XYLT1: variants seen among roughly 807,000 people sequenced by gnomAD.
XYLT1 encodes beta-D-xylosyltransferase 1.
A neutral mutation model predicts 91.3 loss-of-function variants in XYLT1; 36 were observed. That is an observed-to-expected ratio of 0.39 (90% CI 0.30 to 0.52). The LOEUF (loss-of-function observed/expected upper bound fraction) is 0.52, where lower values mean the gene tolerates loss of function less well. Ranked by LOEUF, XYLT1 falls within the 20% of genes least tolerant of loss-of-function variation. The probability of loss-of-function intolerance (pLI) is 0.68; values close to 1 mark genes in which losing one functional copy is unlikely to be tolerated. For synonymous variants in XYLT1, 588 were observed against 532.0 expected (o/e 1.11, Z -1.45); for missense variants, 1,242 against 1,284.5 (o/e 0.97, Z 0.51).
chr16:17,268,973 G>A (rs1292501134), intron 2 of XYLT1, among the ~76,000 whole-genome samples: 1 of 151,948 alleles, frequency 6.6e-6, no homozygotes, highest in Non-Finnish European at 1.5e-5. Context: ...GCGCCCAGCC[G>A]ATAAATACTT....
intron 2 of XYLT1, among the ~76,000 whole-genome samples, chr16:17,308,288 T>C (rs1431481195): frequency 6.6e-6 from 1 of 152,224 alleles, no homozygotes; most frequent in Non-Finnish European, 1.5e-5. Context: ...AGTTAGCAGC[T>C]CTTAGGGAAC....
chr16:17,403,812 T>C (rs886222740), intron 1 of XYLT1, among the ~76,000 whole-genome samples: 20 of 152,210 alleles, frequency 1.3e-4, no homozygotes, highest in Admixed American at 6.5e-5. Flanking sequence ...CATCTGGGAA[T>C]ACCTCACCCT....
chr16:17,284,026 C>G (rs2034097261), intron 2 of XYLT1, among the ~76,000 whole-genome samples: 1 of 152,180 alleles, frequency 6.6e-6, no homozygotes, highest in African/African-American at 2.4e-5. Flanking sequence ...CAACATAGAG[C>G]AGAGGTTGAG....
chr16:17,213,705 G>A (rs113663283), intron 3 of XYLT1, among the ~76,000 whole-genome samples: 2,932 of 151,896 alleles, frequency 0.019, 53 homozygotes, highest in South Asian at 0.028. Context: ...TGCAACCTCC[G>A]CCTCCTGGGT....
At chr16:17,263,462 C>G (rs2033753844) in intron 2 of XYLT1, among the ~76,000 whole-genome samples, 1 of 152,046 alleles carries the variant, frequency 6.6e-6, no homozygotes, top group Admixed American at 6.6e-5. Flanking sequence ...CTGTGAACTT[C>G]TGCCTGGCCC....
intron 9 of XYLT1, among the ~76,000 whole-genome samples, chr16:17,131,653 C>A: frequency 6.6e-6 from 1 of 152,018 alleles, no homozygotes; most frequent in East Asian, 1.9e-4. Context: ...TCTCAACCTG[C>A]CATTTCAGAA....
intron 6 of XYLT1, among the ~76,000 whole-genome samples, chr16:17,143,266 G>T (rs994282607): frequency 1.3e-5 from 2 of 151,824 alleles, no homozygotes; most frequent in African/African-American, 2.4e-5. Context: ...CACTGTCACT[G>T]CCACCATCAT....
At chr16:17,181,152 G>A (rs1243575113) in intron 5 of XYLT1, among the ~76,000 whole-genome samples, 1 of 152,174 alleles carries the variant, frequency 6.6e-6, no homozygotes, top group Non-Finnish European at 1.5e-5. Context: ...CCTCATTGGG[G>A]TAGAGAAGGC....
At chr16:17,273,190 A>G (rs188046707) in intron 2 of XYLT1, among the ~76,000 whole-genome samples, 19 of 152,320 alleles carry the variant, frequency 1.2e-4, no homozygotes, top group Non-Finnish European at 5.9e-5. Flanking sequence ...ACATAGCTGA[A>G]TTTTCTAGGA....
intron 1 of XYLT1, among the ~76,000 whole-genome samples, chr16:17,372,078 A>G (rs2035541790): frequency 6.6e-6 from 1 of 152,212 alleles, no homozygotes. Flanking sequence ...GCTTCAGACA[A>G]GATTCCACTA....
At chr16:17,228,475 C>T (rs745685526) in intron 3 of XYLT1, among the ~76,000 whole-genome samples, 3 of 151,962 alleles carry the variant, frequency 2.0e-5, no homozygotes, top group Non-Finnish European at 2.9e-5. Context: ...GGGCACAGAA[C>T]GGTGATGGGG....
chr16:17,398,753 C>T (rs2035922305), intron 1 of XYLT1, among the ~76,000 whole-genome samples: 2 of 151,506 alleles, frequency 1.3e-5, no homozygotes, highest in Non-Finnish European at 2.9e-5. Context: ...ATACATCATG[C>T]CCCTCTCTGC....
At chr16:17,464,960 C>T (rs1415547161) in intron 1 of XYLT1, among the ~76,000 whole-genome samples, 1 of 151,704 alleles carries the variant, frequency 6.6e-6, no homozygotes, top group Non-Finnish European at 1.5e-5. Flanking sequence ...GCCTGGCCAA[C>T]ATGGTGAAAC....
At chr16:17,213,635 T>C (rs1369937258) in intron 3 of XYLT1, among the ~76,000 whole-genome samples, 3 of 152,134 alleles carry the variant, frequency 2.0e-5, no homozygotes, top group Non-Finnish European at 4.4e-5. Context: ...TCTTTTTTTT[T>C]TGAGACTGAG....
intron 2 of XYLT1, among the ~76,000 whole-genome samples, chr16:17,308,565 A>C (rs893497176): frequency 6.6e-6 from 1 of 152,142 alleles, no homozygotes; most frequent in African/African-American, 2.4e-5. Context: ...CAAAGACGGA[A>C]ACTGTATTTG....
At chr16:17,232,712 T>TG (rs1567334192) in intron 3 of XYLT1, among the ~76,000 whole-genome samples, 1 of 151,500 alleles carries the variant, frequency 6.6e-6, no homozygotes, top group South Asian at 2.1e-4. Context: ...GTGATTCTGA[T>TG]GGGGGCGGCA....
intron 2 of XYLT1, among the ~76,000 whole-genome samples, chr16:17,308,492 G>C (rs149152245): frequency 3.9e-5 from 6 of 152,212 alleles, no homozygotes; most frequent in Admixed American, 3.3e-4. Flanking sequence ...GTAAGGTGAA[G>C]ATACAGCTCT....
rs1349984004 is a variant in XYLT1 at position 17,470,826 on chromosome 16, G to A, written c.-30C>T. 10 of 866,346 alleles carry A rather than the reference G, an allele frequency of 1.2e-5. No individual in the cohort carries two copies. The highest frequency in any genetic ancestry group is 1.2e-5 in the Non-Finnish European group (9 of 779,420). The allele number at this position is 866,346 out of a possible 1,614,324, so 53.7% of individuals were successfully genotyped here. The stretch of plus-strand genomic sequence containing the variant: ...GGAGCGCGGCCGGCGAGCGAGGCGC[G>A]GGGACCCCGGCACGCTCCGGGCCGC... On this transcript the variant is annotated 5_prime_UTR_variant, in exon 1 of 12. Coordinates refer to ENST00000261381, the MANE Select transcript of XYLT1 (RefSeq NM_022166.4).
intron 2 of XYLT1, among the ~76,000 whole-genome samples, chr16:17,262,344 A>G (rs947326508): frequency 5.3e-5 from 8 of 152,172 alleles, no homozygotes; most frequent in Non-Finnish European, 7.3e-5. Context: ...GATGTCGAGT[A>G]ATTTGCACAA....
Sources: allele counts gnomAD v4.1 joint callset (sites outside exome capture counted in the v4.1 genomes callset), GRCh38; gene constraint gnomAD v4.1.1; transcripts MANE v1.5; gene names NCBI Gene and HGNC (gene_info 2026-07-23, HGNC 2026-07-21).